TMEM71: variants seen among roughly 807,000 people sequenced by gnomAD.
TMEM71 encodes the protein transmembrane protein 71.
TMEM71 carries 44 observed loss-of-function variants against 38.0 expected under a neutral mutation model. That is an observed-to-expected ratio of 1.16 (90% CI 0.91 to 1.49). The LOEUF is 1.49. Among genes scored for constraint, TMEM71 ranks in the 40% most tolerant of loss-of-function variants. The pLI, the probability that TMEM71 is intolerant of heterozygous loss-of-function variation, is 0.00. For synonymous variants in TMEM71, 133 were observed against 122.5 expected, an observed-to-expected ratio of 1.09 and a Z score of -0.56; for missense variants, 367 against 348.6, an observed-to-expected ratio of 1.05 and a Z score of -0.42.
chr8:132,717,338 T>C (rs1159061891), intron 7 of TMEM71, among the ~76,000 whole-genome samples: 1 of 152,174 alleles, frequency 6.6e-6, no homozygotes, highest in Non-Finnish European at 1.5e-5. Flanking sequence ...AAATCACATA[T>C]CTGAGAAGGG....
chr8:132,766,794 A>G, the TMEM71 span, among the ~76,000 whole-genome samples: 1 of 75,506 alleles, frequency 1.3e-5, no homozygotes, highest in Admixed American at 1.5e-4. Flanking sequence ...AAAAAAAAAA[A>G]ATAAAAATAA....
At chr8:132,722,512 C>T (rs923845859) in intron 6 of TMEM71, among the ~76,000 whole-genome samples, 12 of 152,176 alleles carry the variant, frequency 7.9e-5, no homozygotes. Flanking sequence ...AGCTTGTATA[C>T]GTTAGTTCAC....
At chr8:132,765,385 T>A (rs780237022), upstream of TMEM71, among the ~76,000 whole-genome samples, 1 of 152,180 alleles carries the variant, frequency 6.6e-6, no homozygotes, top group East Asian at 1.9e-4. Context: ...TTCCTTCCAT[T>A]TTACAAGTCC....
In TMEM71 at chr8:132,727,836, G is replaced by A; in HGVS notation, c.638C>T (p.Ala213Val). 5 of 1,613,764 alleles carry A rather than the reference G, an allele frequency of 3.1e-6. No homozygotes were observed. Among genetic ancestry groups the A allele is most frequent in the Non-Finnish European group, 4.2e-6 (5 of 1,179,838 alleles). Residue 213 changes from alanine to valine, a missense_variant, in exon 6 of 10, where the codon GCT (alanine) becomes GTT (valine). Ala to Val is a moderately conservative substitution (Grantham distance 64). Transcript: ENST00000677595. ...ACTATTCTCTTGGAAACGTTCAGAAGCTGTCAACTGGGACTGAAGAGACAA... is the reference window on the plus strand; with the variant it reads ...ACTATTCTCTTGGAAACGTTCAGAAACTGTCAACTGGGACTGAAGAGACAA... ...HSLSLQSQLT[A>V]SERFQENSSD...
the TMEM71 span, among the ~76,000 whole-genome samples, chr8:132,767,793 T>C: frequency 2.6e-5 from 4 of 152,150 alleles, no homozygotes; most frequent in Non-Finnish European, 4.4e-5. Flanking sequence ...CGTTTTTGAC[T>C]GCTAGCAGCT....
downstream of TMEM71, chr8:132,709,929 C>T (rs1273243745): frequency 9.2e-5 from 14 of 151,948 alleles, no homozygotes; most frequent in African/African-American, 3.4e-4. Flanking sequence ...TATATATACA[C>T]ACACACAAAT....
At chr8:132,748,073 C>T (rs1211432177) in intron 4 of TMEM71, among the ~76,000 whole-genome samples, 1 of 152,198 alleles carries the variant, frequency 6.6e-6, no homozygotes, top group African/African-American at 2.4e-5. Context: ...GCACACTGTA[C>T]TGGCAAAAAA....
chr8:132,748,990 G>T (rs1431135366), intron 4 of TMEM71, among the ~76,000 whole-genome samples: 1 of 152,228 alleles, frequency 6.6e-6, no homozygotes, highest in Non-Finnish European at 1.5e-5. Context: ...CAGAGCAGGA[G>T]TTTGGAATCA....
In TMEM71 at chr8:132,710,978, C is replaced by A. The variant is rs1356106299; in HGVS notation, c.877G>T (p.Val293Phe). 1.9e-6 allele frequency: 3 copies of A among 1,606,358 alleles called. No homozygotes were observed. The highest frequency in any genetic ancestry group is 2.2e-5 in the East Asian group (1 of 44,762). Reference sequence around the variant, plus strand: ...TTCCTAAATGGTTGTCAAATTTTGACAAACCTAGATTGGAGAAATAAGAAA... The same window carrying A: ...TTCCTAAATGGTTGTCAAATTTTGAAAAACCTAGATTGGAGAAATAAGAAA... The part of the protein sequence containing the change: ...YFKTTACARF[V>F]KI Residue 293 changes from valine (V) to phenylalanine (F), a missense_variant, in exon 10 of 10, where the codon GTC becomes TTC. By Grantham distance (50) the Val-to-Phe change is conservative. Coordinates refer to ENST00000677595, the MANE Select transcript of TMEM71 (RefSeq NM_001382403.1).
intron 3 of TMEM71, among the ~76,000 whole-genome samples, chr8:132,756,590 A>T (rs539664528): frequency 6.7e-6 from 1 of 150,008 alleles, no homozygotes; most frequent in Admixed American, 6.7e-5. Flanking sequence ...ATAATAATAT[A>T]ATAATAATTA....
chr8:132,774,348 T>G, the TMEM71 span, among the ~76,000 whole-genome samples: 1 of 152,206 alleles, frequency 6.6e-6, no homozygotes, highest in Non-Finnish European at 1.5e-5. Context: ...CTATAACAAA[T>G]ATCCACTAGA....
chr8:132,713,548 T>C (rs1279868651), intron 9 of TMEM71, among the ~76,000 whole-genome samples: 1 of 152,040 alleles, frequency 6.6e-6, no homozygotes, highest in Non-Finnish European at 1.5e-5. Flanking sequence ...CAGTAACCCT[T>C]TGAAATATGC....
intron 7 of TMEM71, among the ~76,000 whole-genome samples, chr8:132,715,628 A>G (rs1395371028): frequency 1.3e-5 from 2 of 152,128 alleles, no homozygotes; most frequent in African/African-American, 4.8e-5. Context: ...AAATCTGCAT[A>G]TGATTCTTTG....
At chr8:132,768,102 C>T in the TMEM71 span, among the ~76,000 whole-genome samples, 2 of 152,070 alleles carry the variant, frequency 1.3e-5, no homozygotes, top group Non-Finnish European at 2.9e-5. Flanking sequence ...GCCAAACAGG[C>T]TAGATTTGAT....
intron 6 of TMEM71, among the ~76,000 whole-genome samples, chr8:132,724,684 A>G (rs1399172566): frequency 6.6e-6 from 1 of 152,224 alleles, no homozygotes; most frequent in East Asian, 1.9e-4. Context: ...CAGCTTATGA[A>G]GATGACAGGA....
rs578068446 is a variant in TMEM71 at position 132,733,152 on chromosome 8, C to T, written c.488-5166G>A. Among the ~76,000 whole-genome samples the T allele has an allele frequency of 2.0e-5, 3 of 152,184 alleles. No homozygotes were observed. In the South Asian group the frequency reaches 6.2e-4, roughly 32 times the overall value. On this transcript the variant is annotated intron_variant, in intron 5 of 9. Coordinates refer to ENST00000677595, the MANE Select transcript of TMEM71 (RefSeq NM_001382403.1). ...ATACAGACAATAGAATACATAATTTCTGTGTGTGTGTTTTTTTGTTGTTGT... is the reference window on the plus strand; with the variant it reads ...ATACAGACAATAGAATACATAATTTTTGTGTGTGTGTTTTTTTGTTGTTGT...
At chr8:132,720,842 T>C (rs1826802322) in intron 7 of TMEM71, among the ~76,000 whole-genome samples, 1 of 152,128 alleles carries the variant, frequency 6.6e-6, no homozygotes, top group Admixed American at 6.5e-5. Context: ...ATTGATTCAA[T>C]AAATATTGAA....
intron 2 of TMEM71, chr8:132,758,147 CTTAA>C (rs1209727135): frequency 6.6e-6 from 1 of 152,166 alleles, no homozygotes; most frequent in Non-Finnish European, 1.5e-5. Flanking sequence ...TGTGAGTATT[CTTAA>C]TTATAGAAAC....
At chr8:132,775,783 G>T in the TMEM71 span, 3 of 232,238 alleles carry the variant, frequency 1.3e-5, no homozygotes, top group Non-Finnish European at 2.5e-5. Context: ...CCTATTGTCT[G>T]GGCGCCGCAG....
Sources: allele counts gnomAD v4.1 joint callset (sites outside exome capture counted in the v4.1 genomes callset), GRCh38; gene constraint gnomAD v4.1.1; transcripts MANE v1.5; gene names NCBI Gene and HGNC (gene_info 2026-07-23, HGNC 2026-07-21).